The following KIAA2013 variants were observed in gnomAD, a reference collection of about 807,000 sequenced individuals.
KIAA2013 encodes uncharacterized protein KIAA2013.
KIAA2013 carries 20 observed loss-of-function variants against 39.9 expected under a neutral mutation model. The observed-to-expected ratio is 0.50, with a 90% CI of 0.35 to 0.73. The LOEUF (loss-of-function observed/expected upper bound fraction) is 0.73, where lower values mean the gene tolerates loss of function less well. KIAA2013 is among the 30% of genes least tolerant of loss of function. The pLI, the probability that KIAA2013 is intolerant of heterozygous loss-of-function variation, is 0.01. For missense variants in KIAA2013, 587 were observed against 856.1 expected, an observed-to-expected ratio of 0.69 and a Z score of 3.92; for synonymous variants, 336 against 416.6, an observed-to-expected ratio of 0.81 and a Z score of 2.35.
chr1:11,925,927 G>A lies in KIAA2013; in HGVS notation c.311C>T (p.Ala104Val), dbSNP rs924536761. 2.3e-5 allele frequency: 36 copies of A among 1,532,252 alleles called. No individual in the cohort carries two copies. Among genetic ancestry groups the A allele is most frequent in the Non-Finnish European group, 2.9e-5 (33 of 1,146,928 alleles). The allele number at this position is 1,532,252 out of a possible 1,614,324, so 94.9% of individuals were successfully genotyped here. Residue 104 changes from alanine to valine, a missense_variant, in exon 1 of 3, where the codon GCC becomes GTC. By Grantham distance (64) the Ala-to-Val change is moderately conservative. Transcript: ENST00000376572. This position sits in a 1 kb window ranked among gnomAD's most constrained non-coding sequence, Gnocchi z 5.2. ...ANGFLALDVA[A>V]NRLWVTPGER... ...CCCGGGAGTCACCCACAGCCGATTGGCAGCCACGTCCAGGGCCAGGAAGCC... is the reference window on the plus strand; with the variant it reads ...CCCGGGAGTCACCCACAGCCGATTGACAGCCACGTCCAGGGCCAGGAAGCC...
rs1390910931 is a variant in KIAA2013, at chr1:11,925,171, A to G, written c.1033+34T>C. On this transcript the variant is annotated intron_variant, in intron 1 of 2. Transcript: ENST00000376572. This position sits in a 1 kb window ranked among gnomAD's most constrained non-coding sequence, Gnocchi z 5.2. Reference sequence around the variant, plus strand: ...ACCTCTGCAGACTTGGGAGGGACATATCTAGGGTGGACCAAGCGCTGGCCA... The same window carrying G: ...ACCTCTGCAGACTTGGGAGGGACATGTCTAGGGTGGACCAAGCGCTGGCCA... 6.5e-7 allele frequency: 1 copy of G among 1,532,290 alleles called. No homozygotes were observed. The highest frequency in any genetic ancestry group is 8.8e-7 in the Non-Finnish European group (1 of 1,139,274). The allele number at this position is 1,532,290 out of a possible 1,614,324, so 94.9% of individuals were successfully genotyped here.
At chr1:11,920,392 T>C (rs17037529) in intron 2 of KIAA2013, 60 bp from the exon 3 acceptor site, 249,439 of 1,579,180 alleles carry the variant, frequency 0.16, 20,553 homozygotes, top group Non-Finnish European at 0.17. Context: ...TGGCCAGCTA[T>C]AGAAATAGGC....
At position 11,925,194 on chromosome 1, in the gene KIAA2013, C is replaced by T. The variant is rs1474468643; in HGVS notation, c.1033+11G>A. On this transcript the variant is annotated intron_variant, in intron 1 of 2. Transcript: ENST00000376572. This position sits in a 1 kb window ranked among gnomAD's most constrained non-coding sequence, Gnocchi z 5.2. Reference sequence around the variant, plus strand: ...ATATCTAGGGTGGACCAAGCGCTGGCCAGGACTCACCTGGGCTGAAGAGCT... The same window carrying T: ...ATATCTAGGGTGGACCAAGCGCTGGTCAGGACTCACCTGGGCTGAAGAGCT... 1.3e-6 allele frequency: 2 copies of T among 1,559,208 alleles called. No individual in the cohort carries two copies. Among genetic ancestry groups the T allele is most frequent in the Non-Finnish European group, 1.7e-6 (2 of 1,152,070 alleles).
chr1:11,925,340 G>A lies in KIAA2013; in HGVS notation c.898C>T (p.Leu300Phe). 1 of 1,613,932 alleles carries A rather than the reference G, an allele frequency of 6.2e-7. No individual in the cohort carries two copies. Residue 300 changes from leucine (L) to phenylalanine (F), a missense_variant, in exon 1 of 3, where the codon CTC (leucine) becomes TTC (phenylalanine). By Grantham distance (22) the Leu-to-Phe change is conservative (BLOSUM62 0). Transcript: ENST00000376572. This position sits in a 1 kb window ranked among gnomAD's most constrained non-coding sequence, Gnocchi z 5.2. ...AGCTCCTTGGCTGCTTTGCTTTTGA[G>A]CACCTGGGGGTTAATGGGGCCAGAG... ...HVSGPINPQV[L>F]KSKAAKELKA...
rs980118532 is a variant in KIAA2013, at chr1:11,923,627, T to C, written c.1034-138A>G. ...GACAGTGGTGCCCATCTCCCTAAAGTATAGAAGAAAGTCAGCCTGTCTTGT... is the reference window on the plus strand; with the variant it reads ...GACAGTGGTGCCCATCTCCCTAAAGCATAGAAGAAAGTCAGCCTGTCTTGT... On this transcript the variant is annotated intron_variant, in intron 1 of 2. Coordinates refer to ENST00000376572, the MANE Select transcript of KIAA2013 (RefSeq NM_138346.3). The surrounding 1 kb of genome is among the most constrained non-coding windows in gnomAD (Gnocchi z 4.6). 7 of 922,544 alleles carry C rather than the reference T, an allele frequency of 7.6e-6. No individual in the cohort carries two copies. The highest frequency in any genetic ancestry group is 1.2e-5 in the Non-Finnish European group (7 of 605,716). The allele number at this position is 922,544 out of a possible 1,614,324, so 57.1% of individuals were successfully genotyped here. A position where few individuals can be genotyped will look rare whatever the true frequency, so the allele number is the denominator to read the frequency against.
In KIAA2013 at chr1:11,920,086, A is replaced by G; in HGVS notation, c.*229T>C. ...AGTATTTGCCATACAGGTTCATTTT[A>G]TTGAGTGGAAAGCTTACAAAAGGTC... On this transcript the variant is annotated 3_prime_UTR_variant, in exon 3 of 3. Coordinates refer to ENST00000376572, the MANE Select transcript of KIAA2013 (RefSeq NM_138346.3). 4 of 595,532 alleles carry G rather than the reference A, an allele frequency of 6.7e-6. No individual in the cohort carries two copies. Among genetic ancestry groups the G allele is most frequent in the Non-Finnish European group, 1.2e-5 (4 of 333,516 alleles). 36.9% of individuals were successfully genotyped at this position (595,532 alleles called of 1,614,324 possible).
At chr1:11,921,643 G>C (rs915276345) in intron 2 of KIAA2013, among the ~76,000 whole-genome samples, 27 of 151,744 alleles carry the variant, frequency 1.8e-4, no homozygotes, top group Admixed American at 1.4e-3. Flanking sequence ...TCCGTCTCCC[G>C]GGTTCAAGCA....
intron 2 of KIAA2013, among the ~76,000 whole-genome samples, chr1:11,920,663 C>T (rs895186010): frequency 3.9e-5 from 6 of 152,332 alleles, no homozygotes; most frequent in Admixed American, 2.6e-4. Context: ...GAAAAGCAGC[C>T]GCCTGCCAAA....
Position 11,919,831 on chromosome 1 carries a change from TG to T in KIAA2013, c.*483del. ...GGGCCCCGGCCCAGCCTCGGGACCG[TG>T]GGGCCTCCGAACGCCGAGATGGACA... On this transcript the variant is annotated 3_prime_UTR_variant, in exon 3 of 3. Coordinates refer to ENST00000376572, the MANE Select transcript of KIAA2013 (RefSeq NM_138346.3). 2 of 184,542 alleles carry T rather than the reference TG, an allele frequency of 1.1e-5. No individual in the cohort carries two copies. The highest frequency in any genetic ancestry group is 2.0e-4 in the South Asian group (2 of 9,926). The allele number at this position is 184,542 out of a possible 1,614,324, so 11.4% of individuals were successfully genotyped here.
At chr1:11,922,351 A>G in intron 2 of KIAA2013, 1 of 1,424,632 alleles carries the variant, frequency 7.0e-7, no homozygotes, top group East Asian at 2.5e-5. Flanking sequence ...CACCACACCC[A>G]GCTTGCAGTT....
At chr1:11,922,259 A>T in intron 2 of KIAA2013, 1 of 884,538 alleles carries the variant, frequency 1.1e-6, no homozygotes, top group Non-Finnish European at 1.6e-6. Context: ...ACACAATCAT[A>T]GTTCACTGCA....
In KIAA2013 at chr1:11,923,404, C is replaced by A. The variant is rs748376716; in HGVS notation, c.1119G>T (p.Ser373=). The A allele has an allele frequency of 1.2e-6, 2 of 1,612,516 alleles. No homozygotes were observed. The highest frequency in any genetic ancestry group is 1.1e-5 in the South Asian group (1 of 91,070). ...GGGAGGGGCTGAGCAGTGGGGCTGG[C>A]GAGCAGGAGAGCATGTAATAGAGCG... The part of the protein sequence containing the change: ...NLTLYYMLSC[S]PAPLLSPSLS... The change falls in exon 2 of 3, where the codon TCG becomes TCT. Residue 373 remains serine, a synonymous_variant. Coordinates refer to ENST00000376572, the MANE Select transcript of KIAA2013 (RefSeq NM_138346.3). This position sits in a 1 kb window ranked among gnomAD's most constrained non-coding sequence, Gnocchi z 4.6.
Position 11,925,816 on chromosome 1 carries a change from A to G in KIAA2013, c.422T>C (p.Val141Ala). The G allele has an allele frequency of 6.5e-7, 1 of 1,538,658 alleles. No homozygotes were observed. Residue 141 changes from valine (V) to alanine (A), a missense_variant, in exon 1 of 3, where the codon GTG (valine) becomes GCG (alanine). Transcript: ENST00000376572. This position sits in a 1 kb window ranked among gnomAD's most constrained non-coding sequence, Gnocchi z 5.2. ...CAGAAGCCCCTCCCGCAGCAGCAGCACCGCCTCTCCAGCTTCAGCCAGCGC... is the reference window on the plus strand; with the variant it reads ...CAGAAGCCCCTCCCGCAGCAGCAGCGCCGCCTCTCCAGCTTCAGCCAGCGC... ...LSALAEAGEA[V>A]LLLREGLLRR...
rs1182359702 is a variant in KIAA2013, at chr1:11,922,755, G to T, written c.1768C>A (p.Leu590Met). ...ACGCTGAACCAGAAGAGGAAGGGCA[G>T]CCCGGGGTCCTGCTGGGCCATGTGC... is the stretch of plus-strand genomic sequence containing the variant. ...DEHMAQQDPG[L>M]PFLFWFSVAS... Residue 590 changes from leucine to methionine, a missense_variant, in exon 2 of 3, where the codon CTG becomes ATG. Leu to Met is a conservative substitution (Grantham distance 15). Coordinates refer to ENST00000376572, the MANE Select transcript of KIAA2013 (RefSeq NM_138346.3). 2 of 1,614,052 alleles carry T rather than the reference G, an allele frequency of 1.2e-6. No homozygotes were observed. The highest frequency in any genetic ancestry group is 1.7e-6 in the Non-Finnish European group (2 of 1,179,976).
Position 11,920,304 on chromosome 1 carries a change from T to C in KIAA2013, c.*11A>G, listed in dbSNP as rs1385531412. ...TGCAAATGGTGGCTGAAAGCAGGACTGTTAGTTCACTCAGACACTGGGATC... is the reference window on the plus strand; with the variant it reads ...TGCAAATGGTGGCTGAAAGCAGGACCGTTAGTTCACTCAGACACTGGGATC... On this transcript the variant is annotated 3_prime_UTR_variant, in exon 3 of 3. Transcript: ENST00000376572. 1 of 1,613,920 alleles carries C rather than the reference T, an allele frequency of 6.2e-7. No individual in the cohort carries two copies. The highest frequency in any genetic ancestry group is 1.3e-5 in the African/African-American group (1 of 74,940).
Position 11,926,355 on chromosome 1 carries a change from C to G in KIAA2013, c.-118G>C, listed in dbSNP as rs1645507990. 3.6e-6 allele frequency: 1 copy of G among 278,070 alleles called. No homozygotes were observed. 17.2% of individuals were successfully genotyped at this position (278,070 alleles called of 1,614,324 possible). On this transcript the variant is annotated 5_prime_UTR_variant, in exon 1 of 3. Coordinates refer to ENST00000376572, the MANE Select transcript of KIAA2013 (RefSeq NM_138346.3). ...CGGACCGCGGCGCCCACCCCGGCCC[C>G]CGCCGCAACCGCCGCAGCAGCCGCC... is the stretch of plus-strand genomic sequence containing the variant.
At chr1:11,921,649 A>T (rs1645475401) in intron 2 of KIAA2013, among the ~76,000 whole-genome samples, 1 of 151,954 alleles carries the variant, frequency 6.6e-6, no homozygotes, top group Non-Finnish European at 1.5e-5. Context: ...TCCCGGGTTC[A>T]AGCAATTCTC....
At chr1:11,920,561 C>T (rs1645468127) in intron 2 of KIAA2013, among the ~76,000 whole-genome samples, 1 of 152,152 alleles carries the variant, frequency 6.6e-6, no homozygotes, top group East Asian at 1.9e-4. Context: ...TCGGTCAGTA[C>T]CCCATGAAGG....
Position 11,923,231 on chromosome 1 carries a change from C to T in KIAA2013, c.1292G>A (p.Arg431Lys), listed in dbSNP as rs761706228. The T allele has an allele frequency of 4.3e-6, 7 of 1,613,666 alleles. No individual in the cohort carries two copies. The East Asian group carries it at 1.3e-4, about 31-fold the overall frequency. The change falls in exon 2 of 3, where the codon AGG (arginine) becomes AAG (lysine). Residue 431 changes from arginine (R) to lysine (K), a missense_variant. By Grantham distance (26) the Arg-to-Lys change is conservative. Transcript: ENST00000376572. This position sits in a 1 kb window ranked among gnomAD's most constrained non-coding sequence, Gnocchi z 4.6. ...QQILQLSDLW[R>K]LTLQKRGCKG... is the part of the protein sequence containing the mutation. ...GCAGCCACGCTTCTGGAGGGTCAGC[C>T]TCCACAGGTCAGAGAGCTGCAGGAT...
Sources: allele counts gnomAD v4.1 joint callset (sites outside exome capture counted in the v4.1 genomes callset), GRCh38; gene constraint gnomAD v4.1.1; non-coding constraint Gnocchi (gnomAD v3.1); transcripts MANE v1.5; gene names NCBI Gene and HGNC (gene_info 2026-07-23, HGNC 2026-07-21).